The following PIAS1 variants were observed in gnomAD, a reference collection of about 807,000 sequenced individuals.
The protein encoded by PIAS1 is protein inhibitor of activated STAT 1.
PIAS1 carries 6 observed loss-of-function variants against 71.3 expected under a neutral mutation model. The observed-to-expected ratio is 0.08, with a 90% CI of 0.05 to 0.17. The LOEUF (loss-of-function observed/expected upper bound fraction) is 0.17, where lower values mean the gene tolerates loss of function less well. PIAS1 is among the 10% of genes least tolerant of loss of function. The pLI, the probability that PIAS1 is intolerant of heterozygous loss-of-function variation, is 1.00. For missense variants in PIAS1, 555 were observed against 793.6 expected, an observed-to-expected ratio of 0.70 and a Z score of 3.61; for synonymous variants, 303 against 292.9, an observed-to-expected ratio of 1.03 and a Z score of -0.35.
rs2092778226 is a variant in PIAS1, at chr15:68,142,478, T to G, written c.602+141T>G. 12 of 608,634 alleles carry G rather than the reference T, an allele frequency of 2.0e-5. 1 individual carries two copies. In the South Asian group the frequency reaches 3.9e-4, roughly 20 times the overall value. 37.7% of individuals were successfully genotyped at this position (608,634 alleles called of 1,614,324 possible). ...AATATTCCTTATCAGGAAGGGGAAA[T>G]GGAAAAAAAATTTTAAGGAATAAGA... On this transcript the variant is annotated intron_variant, in intron 4 of 13. Coordinates refer to ENST00000249636, the MANE Select transcript of PIAS1 (RefSeq NM_016166.3).
At chr15:68,087,042 ATAAAT>A (rs1010238858) in intron 2 of PIAS1, among the ~76,000 whole-genome samples, 19 of 152,346 alleles carry the variant, frequency 1.2e-4, no homozygotes, top group South Asian at 4.1e-4. Flanking sequence ...ATAATATCTC[ATAAAT>A]TAAATTAAAA....
chr15:68,121,452 G>C (rs1271830512), intron 2 of PIAS1, among the ~76,000 whole-genome samples: 14 of 151,766 alleles, frequency 9.2e-5, no homozygotes, highest in Non-Finnish European at 2.1e-4. Flanking sequence ...GTTATGATTT[G>C]CTTTGGTGTT....
At chr15:68,113,921 T>C (rs1424765878) in intron 2 of PIAS1, among the ~76,000 whole-genome samples, 5 of 152,178 alleles carry the variant, frequency 3.3e-5, no homozygotes, top group African/African-American at 9.6e-5. Flanking sequence ...CAAAGAACTT[T>C]AGCCACAATT....
chr15:68,126,776 G>A (rs6494715), intron 2 of PIAS1, among the ~76,000 whole-genome samples: 151,162 of 152,106 alleles, frequency 0.99, 75,122 homozygotes, highest in Middle Eastern at 1. Context: ...AGCTTTTTTC[G>A]GAGCCTTTGG....
chr15:68,100,096 G>A (rs1420172144), intron 2 of PIAS1, among the ~76,000 whole-genome samples: 4 of 107,414 alleles, frequency 3.7e-5, no homozygotes, highest in Admixed American at 1.9e-4. Context: ...GTATTTCTTC[G>A]GGAAAAAAAA....
chr15:68,160,132 A>T (rs957462908), intron 7 of PIAS1, among the ~76,000 whole-genome samples: 5 of 151,996 alleles, frequency 3.3e-5, no homozygotes, highest in African/African-American at 9.7e-5. Context: ...TATCTGCCAA[A>T]TTTTTTGCCC....
intron 1 of PIAS1, among the ~76,000 whole-genome samples, chr15:68,058,997 C>T (rs1274124551): frequency 7.6e-6 from 1 of 131,934 alleles, no homozygotes; most frequent in African/African-American, 2.8e-5. Flanking sequence ...TCAGATTATT[C>T]TACTTTTTTT....
intron 8 of PIAS1, among the ~76,000 whole-genome samples, chr15:68,170,127 A>G (rs1455666845): frequency 1.3e-5 from 2 of 152,222 alleles, no homozygotes; most frequent in Non-Finnish European, 2.9e-5. Context: ...GGGAACAAGG[A>G]AATTAGTCCA....
chr15:68,132,426 G>A (rs1032205686), intron 2 of PIAS1, among the ~76,000 whole-genome samples: 5 of 151,906 alleles, frequency 3.3e-5, no homozygotes, highest in African/African-American at 9.7e-5. Context: ...AGTGAGCCGA[G>A]ATGGCACCAC....
At chr15:68,143,575 A>C (rs936588739) in intron 4 of PIAS1, among the ~76,000 whole-genome samples, 1 of 152,184 alleles carries the variant, frequency 6.6e-6, no homozygotes, top group Non-Finnish European at 1.5e-5. Flanking sequence ...TATAAAAGGT[A>C]TATTTTATGT....
At chr15:68,059,144 A>G (rs1364644103) in intron 1 of PIAS1, among the ~76,000 whole-genome samples, 1 of 151,310 alleles carries the variant, frequency 6.6e-6, no homozygotes, top group Non-Finnish European at 1.5e-5. Flanking sequence ...AGCTGGGACT[A>G]CAGGTGCCCG....
intron 2 of PIAS1, among the ~76,000 whole-genome samples, chr15:68,107,670 T>C (rs1484236296): frequency 6.6e-6 from 1 of 152,094 alleles, no homozygotes; most frequent in Non-Finnish European, 1.5e-5. Flanking sequence ...TATTAAACTA[T>C]ATCTAAGAGC....
Position 68,118,655 on chromosome 15 carries a change from G to C in PIAS1, c.470-23291G>C, listed in dbSNP as rs550198819. On this transcript the variant is annotated intron_variant, in intron 2 of 13. Transcript: ENST00000249636. ...CTGTGCCCAGCTGTCTTGATTTTTT[G>C]ACAGTAGCCATTCTAACTGGAGTGA... Among the ~76,000 whole-genome samples the C allele has an allele frequency of 4.6e-5, 7 of 152,252 alleles. No individual in the cohort carries two copies. In the East Asian group the frequency reaches 1.4e-3, roughly 29 times the overall value.
chr15:68,077,959 C>G (rs530328362), intron 1 of PIAS1, among the ~76,000 whole-genome samples: 1 of 152,146 alleles, frequency 6.6e-6, no homozygotes, highest in Non-Finnish European at 1.5e-5. Flanking sequence ...TTTGTTAATA[C>G]GTGTTTCTTC....
intron 1 of PIAS1, among the ~76,000 whole-genome samples, chr15:68,066,258 A>ACCACT (rs2092024556): frequency 6.6e-6 from 1 of 151,780 alleles, no homozygotes; most frequent in African/African-American, 2.4e-5. Context: ...TAGGATGCGC[A>ACCACT]CCACTGTGCC....
intron 7 of PIAS1, among the ~76,000 whole-genome samples, chr15:68,162,685 G>T (rs1283152894): frequency 6.6e-6 from 1 of 152,194 alleles, no homozygotes; most frequent in African/African-American, 2.4e-5. Flanking sequence ...CCTAAGAGGG[G>T]TGAGGAGAAG....
intron 7 of PIAS1, among the ~76,000 whole-genome samples, chr15:68,164,429 A>G (rs923550884): frequency 6.6e-6 from 1 of 152,190 alleles, no homozygotes; most frequent in Non-Finnish European, 1.5e-5. Context: ...AAAAGGGTCT[A>G]CCATTAGTTG....
At chr15:68,129,432 A>G (rs2092673688) in intron 2 of PIAS1, among the ~76,000 whole-genome samples, 1 of 152,194 alleles carries the variant, frequency 6.6e-6, no homozygotes, top group Admixed American at 6.5e-5. Context: ...TAAACATAAT[A>G]GCTAATTCAA....
Position 68,132,509 on chromosome 15 carries a change from A to G in PIAS1, c.470-9437A>G, listed in dbSNP as rs564257301. Among the ~76,000 whole-genome samples, 177 of 152,216 alleles carry G rather than the reference A, an allele frequency of 1.2e-3. 1 individual carries two copies. Among genetic ancestry groups the G allele is most frequent in the African/African-American group, 4.1e-3 (172 of 41,548 alleles). On this transcript the variant is annotated intron_variant, in intron 2 of 13. Coordinates refer to ENST00000249636, the MANE Select transcript of PIAS1 (RefSeq NM_016166.3). The stretch of plus-strand genomic sequence containing the variant: ...AAGGAAACTACAATGTTAAAGGTAC[A>G]TCAAATTTTACAGCAAAGAAGTCAC...
Sources: allele counts gnomAD v4.1 joint callset (sites outside exome capture counted in the v4.1 genomes callset), GRCh38; gene constraint gnomAD v4.1.1; transcripts MANE v1.5; gene names NCBI Gene and HGNC (gene_info 2026-07-23, HGNC 2026-07-21).